Variants in LNP1 observed in about 807,000 individuals in gnomAD.
LNP1 encodes the protein leukemia NUP98 fusion partner 1.
A neutral mutation model predicts 14.5 loss-of-function variants in LNP1; 12 were observed. The ratio of observed to expected loss-of-function variants is 0.83; its 90% CI spans 0.53 to 1.34. The LOEUF (loss-of-function observed/expected upper bound fraction) is 1.34. Among genes scored for constraint, LNP1 ranks in the 40% most tolerant of loss-of-function variants. LNP1 has a pLI of 0.00. For synonymous variants in LNP1, 75 were observed against 71.4 expected, an observed-to-expected ratio of 1.05 and a Z score of -0.26; for missense variants, 198 against 210.9, an observed-to-expected ratio of 0.94 and a Z score of 0.38.
intron 2 of LNP1, among the ~76,000 whole-genome samples, chr3:100,430,392 T>G (rs984558021): frequency 2.0e-5 from 3 of 152,188 alleles, no homozygotes; most frequent in African/African-American, 7.2e-5. Flanking sequence ...GAGAGGGAGC[T>G]AAAACTCTCC....
chr3:100,408,978 C>T (rs1706998571), intron 1 of LNP1, among the ~76,000 whole-genome samples: 1 of 152,150 alleles, frequency 6.6e-6, no homozygotes, highest in East Asian at 1.9e-4. Context: ...ATTCATATTT[C>T]TCTGTGGGAA....
rs138549796 is a variant in LNP1 at position 100,437,070 on chromosome 3, G to A, written c.156+7185G>A. The stretch of plus-strand genomic sequence containing the variant: ...TGAGAAACAAATTTCTGTTGCTTAA[G>A]CTACTCAGCCTATGGTATTTTGTTA... On this transcript the variant is annotated intron_variant, in intron 2 of 3. Transcript: ENST00000383693. Among the ~76,000 whole-genome samples, 614 of 152,296 alleles carry A rather than the reference G, an allele frequency of 4.0e-3. 3 individuals carry two copies. Among genetic ancestry groups the A allele is most frequent in the Non-Finnish European group, 6.3e-3 (431 of 68,024 alleles).
chr3:100,452,372 T>G (rs1707468694), intron 3 of LNP1, among the ~76,000 whole-genome samples: 1 of 151,640 alleles, frequency 6.6e-6, no homozygotes, highest in African/African-American at 2.4e-5. Context: ...CCGACTAAAT[T>G]TTAAACTTTT....
chr3:100,412,318 G>T (rs909686440), intron 1 of LNP1, among the ~76,000 whole-genome samples: 8 of 152,116 alleles, frequency 5.3e-5, no homozygotes, highest in Non-Finnish European at 1.2e-4. Flanking sequence ...AAGCAAAAGG[G>T]ATCCACCCCG....
chr3:100,445,736 G>C (rs1707381282), intron 2 of LNP1, among the ~76,000 whole-genome samples: 1 of 152,062 alleles, frequency 6.6e-6, no homozygotes, highest in South Asian at 2.1e-4. Flanking sequence ...AAGCTGATAA[G>C]CAACTTCAGC....
intron 2 of LNP1, among the ~76,000 whole-genome samples, chr3:100,437,737 T>A (rs1035584725): frequency 4.6e-5 from 7 of 152,188 alleles, no homozygotes; most frequent in African/African-American, 1.7e-4. Context: ...ACCTATAGAT[T>A]ATTATTACTA....
chr3:100,416,006 C>G (rs1707079976), intron 1 of LNP1, among the ~76,000 whole-genome samples: 1 of 152,040 alleles, frequency 6.6e-6, no homozygotes, highest in South Asian at 2.1e-4. Flanking sequence ...GATATGTTTT[C>G]TAAGTTTCTT....
At chr3:100,411,419 AC>A (rs1707031217) in intron 1 of LNP1, among the ~76,000 whole-genome samples, 2 of 152,222 alleles carry the variant, frequency 1.3e-5, no homozygotes, top group Admixed American at 6.5e-5. Context: ...GACTTTTAGC[AC>A]ATTAGGGTGG....
intron 1 of LNP1, among the ~76,000 whole-genome samples, chr3:100,409,369 G>A (rs1474363029): frequency 2.0e-5 from 3 of 151,834 alleles, no homozygotes; most frequent in Non-Finnish European, 2.9e-5. Context: ...AATAGGCTGG[G>A]CACGGTGGCT....
intron 2 of LNP1, among the ~76,000 whole-genome samples, chr3:100,445,594 A>C (rs1707379854): frequency 6.6e-6 from 1 of 152,234 alleles, no homozygotes; most frequent in Non-Finnish European, 1.5e-5. Flanking sequence ...TTAATTAAAA[A>C]ACATTTTTAA....
intron 1 of LNP1, among the ~76,000 whole-genome samples, chr3:100,405,378 CAATA>C (rs1157305692): frequency 6.6e-6 from 1 of 152,220 alleles, no homozygotes; most frequent in African/African-American, 2.4e-5. Flanking sequence ...AACAGATACT[CAATA>C]AATAGTTTCT....
intron 1 of LNP1, among the ~76,000 whole-genome samples, chr3:100,416,597 TTTTGTGTGTGTGTGTGTGTGTGTG>T (rs1163716535): frequency 9.9e-5 from 11 of 110,586 alleles, no homozygotes; most frequent in Non-Finnish European, 2.0e-4. Flanking sequence ...AGTATATCTT[TTTTGTGTGTGTGTGTGTGTGTGTG>T]TGTGTGTGTG....
At chr3:100,414,068 C>T (rs973773540) in intron 1 of LNP1, among the ~76,000 whole-genome samples, 1 of 152,206 alleles carries the variant, frequency 6.6e-6, no homozygotes, top group African/African-American at 2.4e-5. Flanking sequence ...TATGTTCTGA[C>T]TATCTGTTGC....
chr3:100,424,153 C>T (rs556722904), intron 1 of LNP1, among the ~76,000 whole-genome samples: 22 of 152,192 alleles, frequency 1.4e-4, no homozygotes, highest in African/African-American at 5.3e-4. Flanking sequence ...TAATGTAGTC[C>T]AAATCCCTTT....
intron 2 of LNP1, among the ~76,000 whole-genome samples, chr3:100,434,872 T>C (rs1263452234): frequency 6.6e-6 from 1 of 151,550 alleles, no homozygotes; most frequent in African/African-American, 2.4e-5. Context: ...TTCTCCATTG[T>C]ATATTCTCCC....
At chr3:100,410,449 C>T (rs1272534484) in intron 1 of LNP1, among the ~76,000 whole-genome samples, 1 of 152,034 alleles carries the variant, frequency 6.6e-6, no homozygotes, top group Non-Finnish European at 1.5e-5. Flanking sequence ...TAGTGTTGTG[C>T]AAGGTAGAAC....
chr3:100,431,620 A>T (rs1026439074), intron 2 of LNP1, among the ~76,000 whole-genome samples: 1 of 152,128 alleles, frequency 6.6e-6, no homozygotes, highest in South Asian at 2.1e-4. Flanking sequence ...CTAATTCTTC[A>T]TTCTTTGTCT....
chr3:100,419,166 A>T (rs1296049864), intron 1 of LNP1, among the ~76,000 whole-genome samples: 8 of 152,166 alleles, frequency 5.3e-5, no homozygotes, highest in Admixed American at 5.2e-4. Flanking sequence ...ATTAGTTTTC[A>T]TGTGGGGATT....
At chr3:100,413,683 G>A (rs1172995956) in intron 1 of LNP1, among the ~76,000 whole-genome samples, 1 of 152,202 alleles carries the variant, frequency 6.6e-6, no homozygotes, top group Non-Finnish European at 1.5e-5. Flanking sequence ...ACACAAGAAT[G>A]CTGGGGCGAG....
Sources: gnomAD v4.1 joint callset for allele counts (sites outside exome capture counted in the v4.1 genomes callset) on GRCh38, gnomAD v4.1.1 for gene constraint, MANE v1.5 for transcripts, NCBI Gene and HGNC (gene_info 2026-07-23, HGNC 2026-07-21) for gene names.